The following RPS6KC1 variants were observed in gnomAD, a reference collection of about 807,000 sequenced individuals.
RPS6KC1 encodes ribosomal protein S6 kinase C1, also known as inactive ribosomal protein S6 kinase delta-1.
In RPS6KC1, 54 loss-of-function variants were observed where a neutral mutation model predicts 103.8. That is an observed-to-expected ratio of 0.52 (90% CI 0.42 to 0.65). The LOEUF (loss-of-function observed/expected upper bound fraction) is 0.65. Ranked by LOEUF, RPS6KC1 falls within the 30% of genes least tolerant of loss-of-function variation. The pLI is 0.00. For synonymous variants in RPS6KC1, 439 were observed against 438.7 expected, an observed-to-expected ratio of 1.00 and a Z score of -0.01; for missense variants, 1,151 against 1,253.8, an observed-to-expected ratio of 0.92 and a Z score of 1.24.
At chr1:213,244,401 C>G (rs1376373996) in intron 12 of RPS6KC1, among the ~76,000 whole-genome samples, 1 of 152,060 alleles carries the variant, frequency 6.6e-6, no homozygotes, top group Admixed American at 6.6e-5. Context: ...CAAAACCACA[C>G]ATTTATGGAA....
the RPS6KC1 span, among the ~76,000 whole-genome samples, chr1:213,509,485 G>T: frequency 8.5e-5 from 13 of 152,084 alleles, no homozygotes; most frequent in Non-Finnish European, 1.9e-4. Context: ...TAATGAAAAG[G>T]CTTCCCTGAC....
chr1:213,051,526 G>C lies in RPS6KC1; in HGVS notation c.105+17G>C. 3 of 1,572,316 alleles carry C rather than the reference G, an allele frequency of 1.9e-6. No individual in the cohort carries two copies. Among genetic ancestry groups the C allele is most frequent in the African/African-American group, 1.4e-5 (1 of 73,890 alleles). On this transcript the variant is annotated intron_variant, in intron 1 of 14. Coordinates refer to ENST00000366960, the MANE Select transcript of RPS6KC1 (RefSeq NM_012424.6). ...ACCGCCCGGGTGAGTGCCGGTGTCGGGCTGGGGTAGAGCTTGGATTGGGAC... is the reference window on the plus strand; with the variant it reads ...ACCGCCCGGGTGAGTGCCGGTGTCGCGCTGGGGTAGAGCTTGGATTGGGAC...
chr1:213,303,389 G>T, the RPS6KC1 span, among the ~76,000 whole-genome samples: 1 of 152,152 alleles, frequency 6.6e-6, no homozygotes, highest in Non-Finnish European at 1.5e-5. Flanking sequence ...TTCCTTTGGC[G>T]ATCCTGGAAA....
intron 12 of RPS6KC1, among the ~76,000 whole-genome samples, chr1:213,250,406 G>A (rs897476830): frequency 2.0e-5 from 3 of 152,164 alleles, no homozygotes; most frequent in Non-Finnish European, 4.4e-5. Context: ...ATAAGCAATT[G>A]AGTACAATGC....
chr1:213,636,222 C>A, the RPS6KC1 span, among the ~76,000 whole-genome samples: 1 of 152,114 alleles, frequency 6.6e-6, no homozygotes, highest in African/African-American at 2.4e-5. Context: ...CAGTGCCATC[C>A]CTATCAAGCT....
chr1:213,602,307 C>T, the RPS6KC1 span, among the ~76,000 whole-genome samples: 3 of 140,574 alleles, frequency 2.1e-5, no homozygotes, highest in Admixed American at 1.5e-4. Context: ...CAGGCTGGCT[C>T]ACTGCAACCT....
chr1:213,235,471 G>T (rs61832471), intron 10 of RPS6KC1, among the ~76,000 whole-genome samples: 1,589 of 152,238 alleles, frequency 0.01, 11 homozygotes, highest in Middle Eastern at 0.017. Context: ...GGGTGAGAGG[G>T]GTGGTTTGCT....
intron 1 of RPS6KC1, among the ~76,000 whole-genome samples, chr1:213,055,892 A>T (rs919739565): frequency 6.6e-6 from 1 of 152,144 alleles, no homozygotes; most frequent in Non-Finnish European, 1.5e-5. Flanking sequence ...AGTCTTGCAC[A>T]TGTTTATTTT....
chr1:213,622,623 CA>C, the RPS6KC1 span, among the ~76,000 whole-genome samples: 1 of 152,130 alleles, frequency 6.6e-6, no homozygotes, highest in East Asian at 1.9e-4. Flanking sequence ...ATACCAGCGG[CA>C]CCCCTGCAGT....
At chr1:213,057,476 A>G (rs574938628) in intron 1 of RPS6KC1, among the ~76,000 whole-genome samples, 1 of 151,866 alleles carries the variant, frequency 6.6e-6, no homozygotes, top group East Asian at 1.9e-4. Flanking sequence ...TCCTAAAAAA[A>G]CTCCACCCTT....
intron 3 of RPS6KC1, among the ~76,000 whole-genome samples, chr1:213,097,026 C>T (rs909069289): frequency 6.6e-6 from 1 of 152,158 alleles, no homozygotes; most frequent in Non-Finnish European, 1.5e-5. Context: ...TCCACCAGAG[C>T]TTCGAGTGAA....
At chr1:213,628,664 A>C in the RPS6KC1 span, among the ~76,000 whole-genome samples, 2 of 151,806 alleles carry the variant, frequency 1.3e-5, no homozygotes, top group African/African-American at 4.8e-5. Flanking sequence ...AGTTCTTTTA[A>C]TTGTGATGTT....
the RPS6KC1 span, among the ~76,000 whole-genome samples, chr1:213,352,875 G>T: frequency 6.6e-6 from 1 of 152,186 alleles, no homozygotes; most frequent in Non-Finnish European, 1.5e-5. Context: ...AGGTATGCAA[G>T]AAGGTGTGGA....
Position 213,176,474 on chromosome 1 carries a change from C to T in RPS6KC1, c.1026C>T (p.Val342=). The part of the protein sequence containing the change: ...SPAEELKAFR[V]LGVIDKVLLV... Reference sequence around the variant, plus strand: ...CCGAGGAGCTGAAGGCCTTCAGAGTCCTTGGGGTGATTGACAAGGTAATTC... The same window carrying T: ...CCGAGGAGCTGAAGGCCTTCAGAGTTCTTGGGGTGATTGACAAGGTAATTC... Residue 342 remains valine (V), a synonymous_variant, in exon 8 of 15, where the codon GTC becomes GTT. Transcript: ENST00000366960. The T allele has an allele frequency of 1.2e-6, 2 of 1,600,268 alleles. No individual in the cohort carries two copies. The highest frequency in any genetic ancestry group is 2.2e-5 in the East Asian group (1 of 44,660).
chr1:213,211,017 C>A (rs147659998), intron 8 of RPS6KC1, among the ~76,000 whole-genome samples: 1 of 152,064 alleles, frequency 6.6e-6, no homozygotes, highest in African/African-American at 2.4e-5. Context: ...CATCTAGCAG[C>A]GGACAGAAAA....
At chr1:213,737,181 C>A in the RPS6KC1 span, among the ~76,000 whole-genome samples, 1 of 152,194 alleles carries the variant, frequency 6.6e-6, no homozygotes, top group Non-Finnish European at 1.5e-5. Flanking sequence ...CAGAATTCAG[C>A]CTCTTGACAT....
At chr1:213,304,449 C>T in the RPS6KC1 span, among the ~76,000 whole-genome samples, 1 of 151,906 alleles carries the variant, frequency 6.6e-6, no homozygotes, top group African/African-American at 2.4e-5. Context: ...GTGTTGGTAA[C>T]ACTTTAAATC....
At chr1:213,604,255 G>T in the RPS6KC1 span, among the ~76,000 whole-genome samples, 3 of 152,170 alleles carry the variant, frequency 2.0e-5, no homozygotes, top group Admixed American at 6.5e-5. Context: ...TACAAATTAG[G>T]TTGCAACTTG....
chr1:213,217,920 T>C (rs1306673826), intron 8 of RPS6KC1, among the ~76,000 whole-genome samples: 2 of 152,196 alleles, frequency 1.3e-5, no homozygotes, highest in African/African-American at 2.4e-5. Flanking sequence ...AATATCATAC[T>C]GAATGGGCAA....
Sources: gnomAD v4.1 joint callset for allele counts (sites outside exome capture counted in the v4.1 genomes callset) on GRCh38, gnomAD v4.1.1 for gene constraint, MANE v1.5 for transcripts, NCBI Gene and HGNC (gene_info 2026-07-23, HGNC 2026-07-21) for gene names.